The following NYAP2 variants were observed in gnomAD, a reference collection of about 807,000 sequenced individuals.
The protein encoded by NYAP2 is neuronal tyrosine-phosphorylated phosphoinositide-3-kinase adapter 2.
In NYAP2, 23 loss-of-function variants were observed where a neutral mutation model predicts 50.4. That is an observed-to-expected ratio of 0.46 (90% CI 0.33 to 0.65). The LOEUF (loss-of-function observed/expected upper bound fraction) is 0.65. Among genes scored for constraint, NYAP2 ranks in the 30% least tolerant of loss-of-function variants. The probability of loss-of-function intolerance (pLI) is 0.02; values close to 1 mark genes in which losing one functional copy is unlikely to be tolerated. For synonymous variants in NYAP2, 394 were observed against 365.2 expected (o/e 1.08, Z -0.90); for missense variants, 885 against 861.0 (o/e 1.03, Z -0.35).
chr2:225,404,173 A>G (rs1694903753), intron 2 of NYAP2, among the ~76,000 whole-genome samples: 1 of 151,926 alleles, frequency 6.6e-6, no homozygotes, highest in Non-Finnish European at 1.5e-5. Flanking sequence ...GCCCACATAA[A>G]TCTATAATCT....
At chr2:225,485,714 A>G (rs1253760034) in intron 3 of NYAP2, among the ~76,000 whole-genome samples, 1 of 152,186 alleles carries the variant, frequency 6.6e-6, no homozygotes, top group Non-Finnish European at 1.5e-5. Flanking sequence ...ACTCAGGGCA[A>G]TCACAGAAAG....
chr2:225,524,773 C>T (rs1208507333), intron 4 of NYAP2, among the ~76,000 whole-genome samples: 2 of 152,020 alleles, frequency 1.3e-5, no homozygotes, highest in Admixed American at 6.6e-5. Context: ...AGCTTTTACA[C>T]AGCAAAAGAA....
At chr2:225,688,845 C>G in the NYAP2 span, among the ~76,000 whole-genome samples, 1 of 152,086 alleles carries the variant, frequency 6.6e-6, no homozygotes, top group Admixed American at 6.6e-5. Flanking sequence ...TGGGCTTAAG[C>G]GATTCTCCTG....
intron 3 of NYAP2, among the ~76,000 whole-genome samples, chr2:225,439,399 A>G (rs1443349147): frequency 4.6e-5 from 7 of 152,194 alleles, no homozygotes; most frequent in Non-Finnish European, 1.0e-4. Context: ...AGTCACTGAG[A>G]GTCCTGAAAG....
At chr2:225,579,383 G>A (rs903421402) in intron 4 of NYAP2, among the ~76,000 whole-genome samples, 2 of 152,162 alleles carry the variant, frequency 1.3e-5, no homozygotes, top group African/African-American at 4.8e-5. Context: ...TACTTGGTTT[G>A]TCATTGAAAT....
the NYAP2 span, among the ~76,000 whole-genome samples, chr2:225,689,130 G>T: frequency 3.3e-5 from 5 of 152,188 alleles, no homozygotes; most frequent in Non-Finnish European, 7.3e-5. Context: ...AATTGTCACT[G>T]TTCAGCATGG....
chr2:225,504,914 A>G (rs1690676296), intron 3 of NYAP2, among the ~76,000 whole-genome samples: 1 of 152,058 alleles, frequency 6.6e-6, no homozygotes. Context: ...AGGCTGAGGC[A>G]GAATAGTTGC....
chr2:225,447,478 C>T (rs1210895719), intron 3 of NYAP2, among the ~76,000 whole-genome samples: 1 of 152,064 alleles, frequency 6.6e-6, no homozygotes, highest in Non-Finnish European at 1.5e-5. Flanking sequence ...TACATTAAGA[C>T]AATATGGAGC....
At chr2:225,611,266 G>A (rs1196700345) in intron 5 of NYAP2, among the ~76,000 whole-genome samples, 4 of 152,136 alleles carry the variant, frequency 2.6e-5, no homozygotes, top group Non-Finnish European at 4.4e-5. Context: ...ACTGCAACCA[G>A]AGTGATCTTT....
chr2:225,641,151 A>G (rs903401627), intron 6 of NYAP2, among the ~76,000 whole-genome samples: 1 of 152,058 alleles, frequency 6.6e-6, no homozygotes, highest in Non-Finnish European at 1.5e-5. Context: ...CCTCTCCTAG[A>G]GGAGTCCACC....
intron 3 of NYAP2, among the ~76,000 whole-genome samples, chr2:225,423,310 C>A (rs576242886): frequency 1.3e-5 from 2 of 152,206 alleles, no homozygotes; most frequent in Non-Finnish European, 2.9e-5. Flanking sequence ...TTCAATGTGA[C>A]TTAGAATTCT....
At chr2:225,464,561 C>T (rs1689885323) in intron 3 of NYAP2, among the ~76,000 whole-genome samples, 1 of 152,212 alleles carries the variant, frequency 6.6e-6, no homozygotes, top group South Asian at 2.1e-4. Context: ...GCGCATGAGC[C>T]TGCTCACTTC....
At chr2:225,621,112 C>CAAA (rs35570419) in intron 5 of NYAP2, among the ~76,000 whole-genome samples, 2 of 98,478 alleles carry the variant, frequency 2.0e-5, no homozygotes, top group African/African-American at 7.8e-5. Flanking sequence ...GACTCCGTCT[C>CAAA]AAAAAAAAAA....
chr2:225,587,858 G>T (rs1408482680), intron 5 of NYAP2, among the ~76,000 whole-genome samples: 4 of 150,910 alleles, frequency 2.7e-5, no homozygotes, highest in Non-Finnish European at 5.9e-5. Flanking sequence ...ATACTCAACC[G>T]TATTCTACAT....
chr2:225,651,675 C>T lies in NYAP2; in HGVS notation c.*110C>T, dbSNP rs149812584. Reference sequence around the variant, plus strand: ...CTATGTGTGTATGGGTTAGGGGATGCGGGGGATGAGTTCTGGCAGTCTGTG... The same window carrying T: ...CTATGTGTGTATGGGTTAGGGGATGTGGGGGATGAGTTCTGGCAGTCTGTG... On this transcript the variant is annotated 3_prime_UTR_variant, in exon 7 of 7. Transcript: ENST00000636099. The T allele has an allele frequency of 1.7e-4, 198 of 1,139,742 alleles. 2 individuals are homozygous for T. The East Asian group carries it at 4.7e-3, about 27-fold the overall frequency. The allele number at this position is 1,139,742 out of a possible 1,614,324, so 70.6% of individuals were successfully genotyped here.
intron 2 of NYAP2, among the ~76,000 whole-genome samples, chr2:225,401,732 A>G (rs1694865626): frequency 6.6e-6 from 1 of 151,392 alleles, no homozygotes; most frequent in Non-Finnish European, 1.5e-5. Context: ...TATTTTAAAT[A>G]CAAGACATGT....
At chr2:225,538,963 T>G (rs1252610033) in intron 4 of NYAP2, among the ~76,000 whole-genome samples, 1 of 151,880 alleles carries the variant, frequency 6.6e-6, no homozygotes, top group East Asian at 1.9e-4. Context: ...GTCATCTACA[T>G]TAGATATTTC....
At chr2:225,525,266 A>G (rs535439831) in intron 4 of NYAP2, among the ~76,000 whole-genome samples, 1 of 152,246 alleles carries the variant, frequency 6.6e-6, no homozygotes, top group South Asian at 2.1e-4. Context: ...ATTTCATCAA[A>G]TGTTTTCTTT....
At chr2:225,570,646 T>C (rs1692051763) in intron 4 of NYAP2, among the ~76,000 whole-genome samples, 1 of 152,212 alleles carries the variant, frequency 6.6e-6, no homozygotes, top group South Asian at 2.1e-4. Context: ...CAATTACTTC[T>C]CACTGGGCCC....
Sources: gnomAD v4.1 joint callset for allele counts (sites outside exome capture counted in the v4.1 genomes callset) on GRCh38, gnomAD v4.1.1 for gene constraint, MANE v1.5 for transcripts, NCBI Gene and HGNC (gene_info 2026-07-23, HGNC 2026-07-21) for gene names.